FRMD4A: variants seen among roughly 807,000 people sequenced by gnomAD.
FRMD4A encodes FERM domain-containing protein 4A.
FRMD4A carries 29 observed loss-of-function variants against 129.1 expected under a neutral mutation model. The ratio of observed to expected loss-of-function variants is 0.22; its 90% CI spans 0.17 to 0.31. FRMD4A has a LOEUF of 0.31. FRMD4A is among the 10% of genes least tolerant of loss of function. FRMD4A has a pLI of 1.00. For synonymous variants in FRMD4A, 634 were observed against 571.6 expected, an observed-to-expected ratio of 1.11 and a Z score of -1.56; for missense variants, 1,272 against 1,375.8, an observed-to-expected ratio of 0.92 and a Z score of 1.19.
chr10:14,252,303 C>T (rs1012877380), intron 2 of FRMD4A, among the ~76,000 whole-genome samples: 1 of 152,072 alleles, frequency 6.6e-6, no homozygotes, highest in African/African-American at 2.4e-5. Flanking sequence ...AACGTTGAAG[C>T]GATATTATCA....
chr10:13,710,879 T>C (rs1232971629), intron 12 of FRMD4A, among the ~76,000 whole-genome samples: 1 of 152,102 alleles, frequency 6.6e-6, no homozygotes, highest in Non-Finnish European at 1.5e-5. Context: ...CTGGGTGTAG[T>C]GGTGGGCACC....
chr10:13,661,573 G>A (rs562552423), intron 19 of FRMD4A, among the ~76,000 whole-genome samples: 10 of 152,152 alleles, frequency 6.6e-5, no homozygotes, highest in South Asian at 2.1e-4. Context: ...AAAAGCCACA[G>A]GAAAACTTTG....
In FRMD4A at chr10:13,848,808, A is replaced by T. The variant is rs576927833; in HGVS notation, c.111+10039T>A. On this transcript the variant is annotated intron_variant, in intron 3 of 24. Transcript: ENST00000357447. ...GGCCTTGGCTGAAGAAGGAAGATGG[A>T]TCGTGTCTCCTCCCTCCTTACCAAG... Among the ~76,000 whole-genome samples, 165 of 152,256 alleles carry T rather than the reference A, an allele frequency of 1.1e-3. 1 individual carries two copies. Among genetic ancestry groups the T allele is most frequent in the African/African-American group, 3.8e-3 (156 of 41,550 alleles).
intron 3 of FRMD4A, among the ~76,000 whole-genome samples, chr10:13,811,335 G>C (rs1371604264): frequency 6.8e-6 from 1 of 146,996 alleles, no homozygotes; most frequent in African/African-American, 2.5e-5. Context: ...GTTTCACCAT[G>C]TTGGCCAGGC....
chr10:13,672,483 G>T (rs1324473764), intron 16 of FRMD4A, among the ~76,000 whole-genome samples: 2 of 151,444 alleles, frequency 1.3e-5, no homozygotes, highest in African/African-American at 4.9e-5. Flanking sequence ...TGTTAAAATT[G>T]CCATGGATCT....
At chr10:14,327,087 C>G in intron 2 of FRMD4A, 1 of 397,592 alleles carries the variant, frequency 2.5e-6, no homozygotes, top group Admixed American at 4.4e-5. Flanking sequence ...CCTGGGACCC[C>G]TCCCAGCTGA....
chr10:14,196,977 A>G (rs1197156783), intron 2 of FRMD4A, among the ~76,000 whole-genome samples: 1 of 152,212 alleles, frequency 6.6e-6, no homozygotes, highest in Non-Finnish European at 1.5e-5. Context: ...GCCAGTCTCC[A>G]TGAATTGGAA....
At chr10:14,141,194 G>C (rs1839817912) in intron 2 of FRMD4A, among the ~76,000 whole-genome samples, 1 of 152,142 alleles carries the variant, frequency 6.6e-6, no homozygotes, top group African/African-American at 2.4e-5. Flanking sequence ...GGTAGAGAAA[G>C]GGCCTTCGAA....
At chr10:13,664,566 C>T (rs1478815116) in intron 18 of FRMD4A, among the ~76,000 whole-genome samples, 2 of 152,190 alleles carry the variant, frequency 1.3e-5, no homozygotes, top group Non-Finnish European at 2.9e-5. Flanking sequence ...GCTCTGACTT[C>T]GGCATCTTGG....
chr10:14,135,746 A>C (rs541449525), intron 2 of FRMD4A, among the ~76,000 whole-genome samples: 3 of 152,286 alleles, frequency 2.0e-5, no homozygotes, highest in Admixed American at 6.5e-5. Context: ...TTTATCAAAA[A>C]CCAAATTAAA....
chr10:13,717,649 A>T (rs1191910515), intron 12 of FRMD4A, among the ~76,000 whole-genome samples: 9 of 124,670 alleles, frequency 7.2e-5, no homozygotes, highest in African/African-American at 2.5e-4. Flanking sequence ...TCAGGGTTTG[A>T]CTACTTTGGA....
At chr10:14,054,417 G>C (rs1398212200) in intron 2 of FRMD4A, among the ~76,000 whole-genome samples, 1 of 152,132 alleles carries the variant, frequency 6.6e-6, no homozygotes, top group East Asian at 1.9e-4. Context: ...AGAGTCCACA[G>C]CCTTGCCCTA....
chr10:14,237,662 A>G (rs1200478643), intron 2 of FRMD4A, among the ~76,000 whole-genome samples: 2 of 152,218 alleles, frequency 1.3e-5, no homozygotes, highest in Non-Finnish European at 2.9e-5. Context: ...AGAGAGAGAC[A>G]GACAGAGACA....
intron 5 of FRMD4A, among the ~76,000 whole-genome samples, chr10:13,792,106 C>T (rs533764029): frequency 2.0e-5 from 3 of 150,456 alleles, no homozygotes; most frequent in Non-Finnish European, 4.4e-5. Context: ...CTGTGATTGT[C>T]CCTGTGCAGG....
At chr10:14,137,826 T>C (rs555959226) in intron 2 of FRMD4A, among the ~76,000 whole-genome samples, 3 of 152,332 alleles carry the variant, frequency 2.0e-5, no homozygotes, top group African/African-American at 2.4e-5. Flanking sequence ...GCATTTTTTT[T>C]CCTTGCCTCT....
intron 2 of FRMD4A, among the ~76,000 whole-genome samples, chr10:14,056,615 C>T (rs1421275359): frequency 1.3e-5 from 2 of 152,154 alleles, no homozygotes; most frequent in Non-Finnish European, 2.9e-5. Context: ...CCAGTCGCAT[C>T]CTCTGTCCCA....
chr10:14,114,284 C>T (rs930286638), intron 2 of FRMD4A, among the ~76,000 whole-genome samples: 8 of 152,244 alleles, frequency 5.3e-5, no homozygotes, highest in Non-Finnish European at 1.0e-4. Context: ...GGTCCTACTT[C>T]GGAGACACAG....
intron 3 of FRMD4A, among the ~76,000 whole-genome samples, chr10:13,822,048 G>T (rs1199732116): frequency 6.7e-6 from 1 of 150,356 alleles, no homozygotes; most frequent in Non-Finnish European, 1.5e-5. Context: ...AAATGGAAAC[G>T]ATATATATAT....
intron 2 of FRMD4A, among the ~76,000 whole-genome samples, chr10:14,069,824 G>A (rs957915555): frequency 6.6e-6 from 1 of 152,102 alleles, no homozygotes; most frequent in Non-Finnish European, 1.5e-5. Flanking sequence ...ACGGCCCATG[G>A]AACTAAATAT....
Sources: allele counts gnomAD v4.1 joint callset (sites outside exome capture counted in the v4.1 genomes callset), GRCh38; gene constraint gnomAD v4.1.1; transcripts MANE v1.5; gene names NCBI Gene and HGNC (gene_info 2026-07-23, HGNC 2026-07-21).